Variants in LARGE1 observed in about 807,000 individuals in gnomAD.
LARGE1 encodes the protein xylosyl- and glucuronyltransferase LARGE1.
Under a neutral mutation model 87.6 loss-of-function variants are expected in LARGE1, and 43 were observed. The observed-to-expected ratio is 0.49, with a 90% CI of 0.38 to 0.63. The LOEUF (loss-of-function observed/expected upper bound fraction) is 0.63, where lower values mean the gene tolerates loss of function less well. Ranked by LOEUF, LARGE1 falls within the 30% of genes least tolerant of loss-of-function variation. LARGE1 has a pLI of 0.00. For synonymous variants in LARGE1, 434 were observed against 394.6 expected, an observed-to-expected ratio of 1.10 and a Z score of -1.18; for missense variants, 802 against 1,000.2, an observed-to-expected ratio of 0.80 and a Z score of 2.67.
At chr22:33,321,570 T>C (rs752432121) in intron 10 of LARGE1, among the ~76,000 whole-genome samples, 4 of 152,214 alleles carry the variant, frequency 2.6e-5, no homozygotes, top group African/African-American at 4.8e-5. Flanking sequence ...GGCTTTTTTT[T>C]CCTTTGGTTT....
At chr22:33,148,338 T>C in the LARGE1 span, among the ~76,000 whole-genome samples, 1 of 152,232 alleles carries the variant, frequency 6.6e-6, no homozygotes, top group Non-Finnish European at 1.5e-5. Flanking sequence ...CAATATGTGA[T>C]CTATTACTAT....
intron 11 of LARGE1, among the ~76,000 whole-genome samples, chr22:33,209,175 T>A (rs148315052): frequency 6.6e-6 from 1 of 152,358 alleles, no homozygotes; most frequent in East Asian, 1.9e-4. Flanking sequence ...TGACAAAACA[T>A]CACAAAAGTG....
intron 3 of LARGE1, among the ~76,000 whole-genome samples, chr22:33,631,521 G>C (rs944296731): frequency 6.6e-6 from 1 of 151,930 alleles, no homozygotes; most frequent in East Asian, 1.9e-4. Context: ...AGGCCTACAC[G>C]GAGTCAGAAT....
intron 7 of LARGE1, among the ~76,000 whole-genome samples, chr22:33,400,199 C>T (rs1187594489): frequency 6.6e-6 from 1 of 152,164 alleles, no homozygotes; most frequent in Non-Finnish European, 1.5e-5. Flanking sequence ...ACTGCAGTTA[C>T]AGTAGTTATT....
intron 1 of LARGE1, among the ~76,000 whole-genome samples, chr22:33,859,978 G>A (rs2063865752): frequency 6.6e-6 from 1 of 152,044 alleles, no homozygotes; most frequent in Non-Finnish European, 1.5e-5. Flanking sequence ...GGGAAAATAG[G>A]GAGTTCTTGT....
intron 2 of LARGE1, among the ~76,000 whole-genome samples, chr22:33,692,010 G>A (rs1247261825): frequency 1.3e-5 from 2 of 151,970 alleles, no homozygotes; most frequent in African/African-American, 4.8e-5. Context: ...TGTGCCAAAA[G>A]GCTACCACGG....
chr22:33,404,250 A>G (rs982518348), intron 7 of LARGE1, among the ~76,000 whole-genome samples: 1 of 152,184 alleles, frequency 6.6e-6, no homozygotes, highest in Non-Finnish European at 1.5e-5. Context: ...CCATGCTGAT[A>G]AGGAGGAGGA....
At position 33,274,400 on chromosome 22, in the gene LARGE1, C is replaced by G; in HGVS notation, c.*27G>C. The G allele has an allele frequency of 6.2e-7, 1 of 1,611,488 alleles. No homozygotes were observed. The highest frequency in any genetic ancestry group is 8.5e-7 in the Non-Finnish European group (1 of 1,177,536). On this transcript the variant is annotated 3_prime_UTR_variant, in exon 15 of 15. Transcript: ENST00000397394. ...GAGTGGCACTTCCCCTACAGCATGT[C>G]TCCCCCTAGTGGTGGGCTTCTTGGT...
At chr22:33,506,353 C>T (rs1193008831) in intron 6 of LARGE1, among the ~76,000 whole-genome samples, 1 of 152,146 alleles carries the variant, frequency 6.6e-6, no homozygotes, top group Non-Finnish European at 1.5e-5. Flanking sequence ...TCTCTTGAGG[C>T]CACAGATGAG....
intron 2 of LARGE1, among the ~76,000 whole-genome samples, chr22:33,679,845 A>AAAAC (rs146032900): frequency 2.6e-5 from 4 of 152,216 alleles, no homozygotes; most frequent in Admixed American, 6.5e-5. Context: ...TCTGTCTCAA[A>AAAAC]AAACAAACAA....
intron 11 of LARGE1, among the ~76,000 whole-genome samples, chr22:33,181,629 T>C (rs1225396283): frequency 6.6e-6 from 1 of 151,756 alleles, no homozygotes; most frequent in South Asian, 2.1e-4. Context: ...CCTGGGTTCA[T>C]GCCATTCTCC....
At chr22:33,427,833 G>C (rs1418328600) in intron 7 of LARGE1, among the ~76,000 whole-genome samples, 5 of 152,230 alleles carry the variant, frequency 3.3e-5, no homozygotes, top group Non-Finnish European at 5.9e-5. Flanking sequence ...CCCTGAGCTT[G>C]GGTAAGCTTT....
intron 11 of LARGE1, among the ~76,000 whole-genome samples, chr22:33,169,049 C>G (rs1007261420): frequency 6.6e-6 from 1 of 152,188 alleles, no homozygotes; most frequent in African/African-American, 2.4e-5. Flanking sequence ...TGACCCACCA[C>G]TGGACTATAA....
At chr22:33,783,155 A>C (rs1035414585) in intron 1 of LARGE1, among the ~76,000 whole-genome samples, 1 of 152,122 alleles carries the variant, frequency 6.6e-6, no homozygotes, top group African/African-American at 2.4e-5. Flanking sequence ...CACAGCACTT[A>C]GCAAAACACG....
At chr22:33,358,278 G>A (rs1458191517) in intron 9 of LARGE1, among the ~76,000 whole-genome samples, 2 of 136,430 alleles carry the variant, frequency 1.5e-5, no homozygotes, top group Non-Finnish European at 3.1e-5. Flanking sequence ...CGAGATTTTA[G>A]ATCTTCTCCC....
chr22:33,312,376 G>A (rs1935694953), intron 11 of LARGE1, among the ~76,000 whole-genome samples: 1 of 150,764 alleles, frequency 6.6e-6, no homozygotes. Flanking sequence ...GAAGGGGAAG[G>A]CTGCAGTGAG....
intron 11 of LARGE1, among the ~76,000 whole-genome samples, chr22:33,306,433 G>C (rs1272843971): frequency 6.6e-6 from 1 of 152,144 alleles, no homozygotes; most frequent in Non-Finnish European, 1.5e-5. Context: ...GGGAGGTTTG[G>C]CTGGGCATGA....
chr22:33,247,357 C>T (rs1268020455), intron 11 of LARGE1, among the ~76,000 whole-genome samples: 2 of 151,960 alleles, frequency 1.3e-5, no homozygotes, highest in Non-Finnish European at 2.9e-5. Context: ...ATTCAGGACA[C>T]AATATTAGAA....
At chr22:33,477,747 C>T (rs377474343) in intron 6 of LARGE1, among the ~76,000 whole-genome samples, 18 of 152,158 alleles carry the variant, frequency 1.2e-4, no homozygotes, top group African/African-American at 3.4e-4. Flanking sequence ...TGCAATTCAT[C>T]GGTAACAGAT....
Sources: gnomAD v4.1 joint callset for allele counts (sites outside exome capture counted in the v4.1 genomes callset) on GRCh38, gnomAD v4.1.1 for gene constraint, MANE v1.5 for transcripts, NCBI Gene and HGNC (gene_info 2026-07-23, HGNC 2026-07-21) for gene names.